The following ERI1 variants were observed in gnomAD, a reference collection of about 807,000 sequenced individuals.
ERI1 encodes exoribonuclease 1, also known as 3'-5' exoribonuclease 1.
In ERI1, 39 loss-of-function variants were observed where a neutral mutation model predicts 39.7. That is an observed-to-expected ratio of 0.98 (90% CI 0.76 to 1.28). The LOEUF (loss-of-function observed/expected upper bound fraction) is 1.28, where lower values mean the gene tolerates loss of function less well. ERI1 is among the 50% of genes most tolerant of loss of function. The probability of loss-of-function intolerance (pLI) is 0.00; values close to 1 mark genes in which losing one functional copy is unlikely to be tolerated. For missense variants in ERI1, 581 were observed against 416.9 expected (o/e 1.39, Z -3.43); for synonymous variants, 204 against 149.6 (o/e 1.36, Z -2.65).
At chr8:9,013,304 CA>C (rs1319601910) in intron 3 of ERI1, among the ~76,000 whole-genome samples, 1 of 147,410 alleles carries the variant, frequency 6.8e-6, no homozygotes, top group African/African-American at 2.5e-5. Context: ...CGTGAGCCAC[CA>C]TGCCCGGCCA....
In ERI1 at chr8:9,016,386, G is replaced by T. The variant is rs374060224; in HGVS notation, c.563G>T (p.Ser188Ile). The change falls in exon 4 of 7, where the codon AGT becomes ATT. Residue 188 changes from serine to isoleucine, a missense_variant. Ser to Ile is a moderately radical substitution (Grantham distance 142). Transcript: ENST00000250263. ...INTQLSDFCI[S>I]LTGITQDQVD... ...ACACAGCTGTCTGATTTCTGCATCA[G>T]TCTAACTGGAATTACTCAGGTTATA... The T allele has an allele frequency of 3.1e-6, 5 of 1,604,694 alleles. No individual in the cohort carries two copies. The highest frequency in any genetic ancestry group is 4.3e-6 in the Non-Finnish European group (5 of 1,174,516).
intron 5 of ERI1, among the ~76,000 whole-genome samples, chr8:9,019,224 A>G (rs1817628332): frequency 6.6e-6 from 1 of 152,214 alleles, no homozygotes; most frequent in African/African-American, 2.4e-5. Context: ...CCTTAAGGCC[A>G]TTAAGGTTGA....
chr8:9,016,843 C>T (rs1014410178), intron 4 of ERI1, among the ~76,000 whole-genome samples: 20 of 151,764 alleles, frequency 1.3e-4, no homozygotes, highest in African/African-American at 4.6e-4. Flanking sequence ...GTTGCCACCA[C>T]ACCCGGCTAA....
At position 9,030,158 on chromosome 8, in the gene ERI1, G is replaced by GGT. The variant is rs775009059; in HGVS notation, c.*126_*127dup. 7.2e-5 allele frequency: 91 copies of GGT among 1,264,506 alleles called. No individual in the cohort carries two copies. Among genetic ancestry groups the GGT allele is most frequent in the Non-Finnish European group, 3.0e-5 (28 of 923,150 alleles). The allele number at this position is 1,264,506 out of a possible 1,614,324, so 78.3% of individuals were successfully genotyped here. A position where few individuals can be genotyped will look rare whatever the true frequency, so the allele number is the denominator to read the frequency against. ...TTAAAACATTTAAAATCTTATTACA[G>GGT]GTGATAGAGATAGATACATGTATGT... On this transcript the variant is annotated 3_prime_UTR_variant, in exon 7 of 7. Transcript: ENST00000250263.
In ERI1 at chr8:9,012,167, A is replaced by C. The variant is rs112830650; in HGVS notation, c.498+415A>C. On this transcript the variant is annotated intron_variant, in intron 3 of 6. Coordinates refer to ENST00000250263, the MANE Select transcript of ERI1 (RefSeq NM_153332.4). ...GTTTTAATATGCGGTCAGGCTTGAT[A>C]ACCACCACTGTGGCCTAGTGTGAAC... Among the ~76,000 whole-genome samples, 1,384 of 152,294 alleles carry C rather than the reference A, an allele frequency of 9.1e-3. 19 individuals are homozygous for C. Among genetic ancestry groups the C allele is most frequent in the African/African-American group, 0.032 (1,329 of 41,566 alleles).
In ERI1 at chr8:9,028,192, T is replaced by C. The variant is rs575353454; in HGVS notation, c.808-1600T>C. Among the ~76,000 whole-genome samples the C allele has an allele frequency of 8.5e-5, 13 of 152,344 alleles. No homozygotes were observed. In the South Asian group the frequency reaches 2.5e-3, roughly 29 times the overall value. On this transcript the variant is annotated intron_variant, in intron 6 of 6. Coordinates refer to ENST00000250263, the MANE Select transcript of ERI1 (RefSeq NM_153332.4). ...TTGCTTGAATTCAGCAGCAAAGCTA[T>C]CTGGTTCAGCGCTTTTCTTTGTTAG...
chr8:9,028,683 G>A (rs1271152464), intron 6 of ERI1, among the ~76,000 whole-genome samples: 1 of 152,142 alleles, frequency 6.6e-6, no homozygotes, highest in African/African-American at 2.4e-5. Flanking sequence ...GAGTGCAGTG[G>A]AGTGATCTTG....
At chr8:9,066,198 C>G (rs780280699) in intron 3 of ERI1, among the ~76,000 whole-genome samples, 4 of 152,172 alleles carry the variant, frequency 2.6e-5, no homozygotes, top group Non-Finnish European at 5.9e-5. Context: ...CTTTGTCCTC[C>G]TTATCGTCAG....
intron 3 of ERI1, among the ~76,000 whole-genome samples, chr8:9,064,793 T>G (rs1269907944): frequency 6.6e-6 from 1 of 152,096 alleles, no homozygotes; most frequent in Admixed American, 6.5e-5. Flanking sequence ...GGCACCAAAT[T>G]TCATGCGCAT....
chr8:9,077,652 T>G (rs532639634), intron 3 of ERI1, among the ~76,000 whole-genome samples: 1 of 152,310 alleles, frequency 6.6e-6, no homozygotes, highest in East Asian at 1.9e-4. Flanking sequence ...CTCAGAGGAA[T>G]ACATTGGTAG....
At chr8:9,098,158 C>T (rs2117498131) in intron 3 of ERI1, among the ~76,000 whole-genome samples, 1 of 152,114 alleles carries the variant, frequency 6.6e-6, no homozygotes, top group South Asian at 2.1e-4. Context: ...CTGGGGTGGG[C>T]TGATCACTTG....
At chr8:9,013,324 TAAAAAA>T (rs34377572) in intron 3 of ERI1, among the ~76,000 whole-genome samples, 8 of 137,478 alleles carry the variant, frequency 5.8e-5, no homozygotes, top group Non-Finnish European at 1.2e-4. Flanking sequence ...CATTCTCACT[TAAAAAA>T]AAAAAAAAAA....
At chr8:9,060,670 G>A (rs1419432693) in intron 3 of ERI1, among the ~76,000 whole-genome samples, 1 of 152,194 alleles carries the variant, frequency 6.6e-6, no homozygotes, top group Non-Finnish European at 1.5e-5. Context: ...CATTTGCCTT[G>A]TGTGGGAAGA....
intron 4 of ERI1, among the ~76,000 whole-genome samples, chr8:9,016,873 G>C (rs185074975): frequency 2.8e-3 from 431 of 152,018 alleles, no homozygotes; most frequent in Admixed American, 5.9e-3. Flanking sequence ...TTTTAGTAGA[G>C]ACCTGGTTTC....
chr8:9,052,419 C>T (rs1204284705), intron 3 of ERI1, among the ~76,000 whole-genome samples: 2 of 152,142 alleles, frequency 1.3e-5, no homozygotes, highest in African/African-American at 2.4e-5. Flanking sequence ...ACAGTCACCT[C>T]CTATTCTGGT....
chr8:9,004,088 T>G (rs1169041919), intron 1 of ERI1: 1 of 1,289,326 alleles, frequency 7.8e-7, no homozygotes, highest in Non-Finnish European at 1.0e-6. Context: ...CCTCGCTGCC[T>G]TGTGTTCTTT....
chr8:9,045,661 A>G (rs1051949629), intron 3 of ERI1, among the ~76,000 whole-genome samples: 1 of 150,824 alleles, frequency 6.6e-6, no homozygotes, highest in Non-Finnish European at 1.5e-5. Context: ...CTAATTTATC[A>G]TCAGAATCTA....
chr8:9,065,499 T>C (rs193184568), intron 3 of ERI1, among the ~76,000 whole-genome samples: 17 of 151,994 alleles, frequency 1.1e-4, no homozygotes, highest in African/African-American at 4.1e-4. Flanking sequence ...ATCGAGACCA[T>C]CTTGGCTAAC....
chr8:9,096,570 C>T lies in ERI1; in HGVS notation n.300-19778C>T, dbSNP rs60025696. 3.3e-3 allele frequency among the ~76,000 whole-genome samples: 495 copies of T among 152,178 alleles called. 1 individual carries two copies. Among genetic ancestry groups the T allele is most frequent in the African/African-American group, 0.012 (480 of 41,510 alleles). On this transcript the variant is annotated intron_variant and non_coding_transcript_variant, in intron 3 of 3. Coordinates refer to the ERI1 transcript ENST00000518663. ...GATGATCAGGAGGGAGGAGCGGTGGCTTGGGGCTGACCTCGGAAGTGTGGT... is the reference window on the plus strand; with the variant it reads ...GATGATCAGGAGGGAGGAGCGGTGGTTTGGGGCTGACCTCGGAAGTGTGGT...
Sources: gnomAD v4.1 joint callset for allele counts (sites outside exome capture counted in the v4.1 genomes callset) on GRCh38, gnomAD v4.1.1 for gene constraint, MANE v1.5 for transcripts, NCBI Gene and HGNC (gene_info 2026-07-23, HGNC 2026-07-21) for gene names.